The following CBLB variants were observed in gnomAD, a reference collection of about 807,000 sequenced individuals.
The protein encoded by CBLB is Cbl proto-oncogene B.
In CBLB, 31 loss-of-function variants were observed where a neutral mutation model predicts 104.9. That is an observed-to-expected ratio of 0.30 (90% CI 0.22 to 0.40). CBLB has a LOEUF of 0.40. Among genes scored for constraint, CBLB ranks in the 10% least tolerant of loss-of-function variants. CBLB has a pLI of 1.00. For synonymous variants in CBLB, 440 were observed against 422.6 expected, an observed-to-expected ratio of 1.04 and a Z score of -0.51; for missense variants, 1,062 against 1,214.6, an observed-to-expected ratio of 0.87 and a Z score of 1.87.
chr3:105,713,546 C>T (rs903578134), intron 10 of CBLB, among the ~76,000 whole-genome samples: 1 of 152,150 alleles, frequency 6.6e-6, no homozygotes, highest in African/African-American at 2.4e-5. Flanking sequence ...TCAAGTGTTG[C>T]TTCTTCTAAT....
At chr3:105,757,154 T>G (rs2077157426) in intron 4 of CBLB, among the ~76,000 whole-genome samples, 1 of 152,168 alleles carries the variant, frequency 6.6e-6, no homozygotes, top group Non-Finnish European at 1.5e-5. Flanking sequence ...TTCTCCTTGA[T>G]GTTATATATC....
At chr3:105,842,901 C>T (rs2089744775) in intron 3 of CBLB, among the ~76,000 whole-genome samples, 1 of 152,190 alleles carries the variant, frequency 6.6e-6, no homozygotes, top group African/African-American at 2.4e-5. Context: ...TATAATGCAA[C>T]TTATATGATG....
rs150919735 is a variant in CBLB at position 105,726,545 on chromosome 3, CTT to C, written c.1204-6297_1204-6296del. Among the ~76,000 whole-genome samples, 70 of 141,192 alleles carry C rather than the reference CTT, an allele frequency of 5.0e-4. 2 individuals carry two copies. The South Asian group carries it at 9.7e-3, about 19-fold the overall frequency. 92.6% of individuals were successfully genotyped at this position (141,192 alleles called of 152,430 possible). On this transcript the variant is annotated intron_variant, in intron 9 of 18. Coordinates refer to ENST00000394030, the MANE Select transcript of CBLB (RefSeq NM_170662.5). ...ATTCAGGAGCTCAAAAGCCATTTTC[CTT>C]TTTTTTTTTTTTCTTTTATTATACT...
At position 105,754,799 on chromosome 3, in the gene CBLB, C is replaced by T. The variant is rs184574569; in HGVS notation, c.567-3181G>A. On this transcript the variant is annotated intron_variant, in intron 4 of 18. Coordinates refer to ENST00000394030, the MANE Select transcript of CBLB (RefSeq NM_170662.5). ...TTTTTATTTCAAATAAGAGTAAGAA[C>T]TGCCATTTATTGATGGCTTACTACC... Among the ~76,000 whole-genome samples the T allele has an allele frequency of 2.0e-3, 301 of 152,206 alleles. 2 individuals carry two copies. Among genetic ancestry groups the T allele is most frequent in the African/African-American group, 7.0e-3 (292 of 41,530 alleles).
chr3:105,713,954 A>T (rs1400550808), intron 10 of CBLB, among the ~76,000 whole-genome samples: 1 of 152,212 alleles, frequency 6.6e-6, no homozygotes, highest in Non-Finnish European at 1.5e-5. Context: ...TGCAAAAAAC[A>T]AAAGTGTCCC....
At chr3:105,742,626 A>T (rs2075722460) in intron 6 of CBLB, among the ~76,000 whole-genome samples, 1 of 152,162 alleles carries the variant, frequency 6.6e-6, no homozygotes, top group South Asian at 2.1e-4. Context: ...GTCACTATAA[A>T]TTATAATTCA....
At chr3:105,856,652 G>C (rs568151470) in intron 2 of CBLB, among the ~76,000 whole-genome samples, 2 of 151,886 alleles carry the variant, frequency 1.3e-5, no homozygotes, top group South Asian at 4.1e-4. Flanking sequence ...GAACTCTAAA[G>C]TATCAAGTAT....
At chr3:105,853,313 A>T in intron 3 of CBLB, 101 bp downstream of exon 3, 4 of 1,256,214 alleles carry the variant, frequency 3.2e-6, no homozygotes, top group Non-Finnish European at 4.7e-6. Context: ...AGCGACTCAC[A>T]TTTACCCCAA....
At chr3:105,722,074 C>G (rs568740591) in intron 9 of CBLB, among the ~76,000 whole-genome samples, 6 of 151,582 alleles carry the variant, frequency 4.0e-5, no homozygotes, top group African/African-American at 9.7e-5. Flanking sequence ...GTGATACACA[C>G]CTGAAGTCCC....
At chr3:105,670,899 A>G (rs1046708398) in intron 17 of CBLB, 34 of 160,932 alleles carry the variant, frequency 2.1e-4, no homozygotes, top group Admixed American at 6.4e-5. Flanking sequence ...TTATTATTAT[A>G]TTGGGCATCC....
intron 9 of CBLB, among the ~76,000 whole-genome samples, chr3:105,725,906 G>C (rs181981870): frequency 2.8e-4 from 42 of 151,996 alleles, no homozygotes; most frequent in African/African-American, 1.0e-3. Context: ...CTGGGGTGCA[G>C]TGCCGTGATC....
intron 3 of CBLB, among the ~76,000 whole-genome samples, chr3:105,780,104 C>G (rs772755226): frequency 6.6e-6 from 1 of 151,786 alleles, no homozygotes; most frequent in Non-Finnish European, 1.5e-5. Context: ...CTAACCATCT[C>G]AACCTCCTGA....
chr3:105,833,173 T>G (rs908945524), intron 3 of CBLB, among the ~76,000 whole-genome samples: 7 of 152,234 alleles, frequency 4.6e-5, no homozygotes, highest in Admixed American at 2.6e-4. Flanking sequence ...GAGTAAATAA[T>G]GCTTTTTGTC....
At chr3:105,668,818 C>T (rs1175098185) in intron 18 of CBLB, among the ~76,000 whole-genome samples, 2 of 152,110 alleles carry the variant, frequency 1.3e-5, no homozygotes, top group Non-Finnish European at 2.9e-5. Flanking sequence ...ACCGTACTGA[C>T]AATTCTTAAA....
intron 3 of CBLB, among the ~76,000 whole-genome samples, chr3:105,838,252 T>A (rs2088918067): frequency 1.1e-5 from 1 of 87,390 alleles, no homozygotes; most frequent in African/African-American, 5.2e-5. Flanking sequence ...CCTGGCTATT[T>A]TTTTTTTTTT....
In CBLB at chr3:105,693,531, G is replaced by A. The variant is rs2067982619; in HGVS notation, c.2017C>T (p.Pro673Ser). 6.2e-7 allele frequency: 1 copy of A among 1,612,646 alleles called. No individual in the cohort carries two copies. Among genetic ancestry groups the A allele is most frequent in the Non-Finnish European group, 8.5e-7 (1 of 1,178,904 alleles). ...AGGAGGGTGGTAACTGGAGGAGGAGGAGAAAGCCGGGGAGGAACATCATAT... is the reference window on the plus strand; with the variant it reads ...AGGAGGGTGGTAACTGGAGGAGGAGAAGAAAGCCGGGGAGGAACATCATAT... ...EEYDVPPRLS[P>S]PPPVTTLLPS... The change falls in exon 13 of 19, where the codon CCT (proline) becomes TCT (serine). Residue 673 changes from proline (P) to serine (S), a missense_variant. By Grantham distance (74) the Pro-to-Ser change is moderately conservative. Coordinates refer to ENST00000394030, the MANE Select transcript of CBLB (RefSeq NM_170662.5).
At chr3:105,854,174 T>C (rs2153123673) in intron 2 of CBLB, among the ~76,000 whole-genome samples, 1 of 152,306 alleles carries the variant, frequency 6.6e-6, no homozygotes, top group East Asian at 1.9e-4. Flanking sequence ...TATTAAGTAG[T>C]AAATGTGTGT....
At chr3:105,811,446 C>T (rs1296276925) in intron 3 of CBLB, among the ~76,000 whole-genome samples, 1 of 152,092 alleles carries the variant, frequency 6.6e-6, no homozygotes, top group Non-Finnish European at 1.5e-5. Flanking sequence ...AGTTTATAAA[C>T]TTCTATTATC....
At chr3:105,708,102 T>C (rs762100254) in intron 10 of CBLB, among the ~76,000 whole-genome samples, 1 of 152,096 alleles carries the variant, frequency 6.6e-6, no homozygotes, top group Admixed American at 6.6e-5. Flanking sequence ...ATCCCCTAAA[T>C]TGACTCCTTA....
Sources: gnomAD v4.1 joint callset for allele counts (sites outside exome capture counted in the v4.1 genomes callset) on GRCh38, gnomAD v4.1.1 for gene constraint, MANE v1.5 for transcripts, NCBI Gene and HGNC (gene_info 2026-07-23, HGNC 2026-07-21) for gene names.